The following GALNT13 variants were observed in gnomAD, a reference collection of about 807,000 sequenced individuals.
GALNT13 encodes the protein UDP-GalNAc:polypeptide N-acetylgalactosaminyltransferase 13.
In GALNT13, 28 loss-of-function variants were observed where a neutral mutation model predicts 64.2. The observed-to-expected ratio is 0.44, with a 90% confidence interval of 0.32 to 0.60. GALNT13 has a LOEUF of 0.60. GALNT13 is among the 20% of genes least tolerant of loss of function. The pLI is 0.05. For synonymous variants in GALNT13, 214 were observed against 224.6 expected (o/e 0.95, Z 0.42); for missense variants, 577 against 669.8 (o/e 0.86, Z 1.53).
chr2:153,685,127 C>A, the GALNT13 span, among the ~76,000 whole-genome samples: 3 of 151,674 alleles, frequency 2.0e-5, no homozygotes, highest in African/African-American at 7.3e-5. Context: ...TATGTGTGCA[C>A]GCCTCTTTAT....
chr2:153,317,546 T>G, the GALNT13 span, among the ~76,000 whole-genome samples: 2 of 152,142 alleles, frequency 1.3e-5, no homozygotes, highest in Non-Finnish European at 2.9e-5. Context: ...CAATATTCTA[T>G]GAGAAATTAA....
chr2:154,135,842 A>C (rs1398016599), intron 3 of GALNT13, among the ~76,000 whole-genome samples: 1 of 152,150 alleles, frequency 6.6e-6, no homozygotes, highest in Non-Finnish European at 1.5e-5. Flanking sequence ...TAAAACAATG[A>C]AAAAAGCAAT....
chr2:154,152,856 C>G (rs1414239632), intron 4 of GALNT13, among the ~76,000 whole-genome samples: 1 of 152,152 alleles, frequency 6.6e-6, no homozygotes, highest in Non-Finnish European at 1.5e-5. Flanking sequence ...AAGTTTTCAA[C>G]TTCTTTGCCT....
chr2:153,274,329 A>G, the GALNT13 span, among the ~76,000 whole-genome samples: 52,886 of 152,124 alleles, frequency 0.35, 9,435 homozygotes, highest in Middle Eastern at 0.51. Context: ...TGGTTGTGGT[A>G]GTGAAAATCT....
At chr2:153,283,773 G>A in the GALNT13 span, among the ~76,000 whole-genome samples, 1 of 152,186 alleles carries the variant, frequency 6.6e-6, no homozygotes, top group African/African-American at 2.4e-5. Flanking sequence ...GCTGATCAGG[G>A]AAAGTGGGTG....
chr2:154,309,386 G>T (rs1574064595), intron 9 of GALNT13, among the ~76,000 whole-genome samples: 2 of 152,176 alleles, frequency 1.3e-5, no homozygotes, highest in Admixed American at 1.3e-4. Flanking sequence ...AGTCTGTTTT[G>T]TGTTGCTATA....
chr2:154,082,213 A>G (rs995204412), intron 3 of GALNT13, among the ~76,000 whole-genome samples: 6 of 151,704 alleles, frequency 4.0e-5, no homozygotes, highest in African/African-American at 1.2e-4. Flanking sequence ...AACTGAAGTA[A>G]TATATCTTAC....
intron 3 of GALNT13, among the ~76,000 whole-genome samples, chr2:154,017,910 T>C (rs905156167): frequency 1.3e-5 from 2 of 152,224 alleles, no homozygotes; most frequent in African/African-American, 4.8e-5. Context: ...GTCCTATTTA[T>C]ATTTTCAGTT....
At chr2:153,631,455 C>T in the GALNT13 span, among the ~76,000 whole-genome samples, 4 of 152,208 alleles carry the variant, frequency 2.6e-5, no homozygotes, top group Admixed American at 6.5e-5. Context: ...TATTTCTCCA[C>T]ATCCTCTCCA....
At chr2:153,282,098 C>A in the GALNT13 span, among the ~76,000 whole-genome samples, 247 of 151,608 alleles carry the variant, frequency 1.6e-3, 1 homozygote, top group African/African-American at 5.4e-3. Context: ...TTTCTTCATT[C>A]TTTGAAAAAA....
intron 1 of GALNT13, among the ~76,000 whole-genome samples, chr2:153,874,158 T>G (rs1686197376): frequency 6.7e-6 from 1 of 148,926 alleles, no homozygotes; most frequent in Non-Finnish European, 1.5e-5. Flanking sequence ...ACCTTCATAT[T>G]GAAACCCTGT....
chr2:153,763,769 A>G, the GALNT13 span, among the ~76,000 whole-genome samples: 8 of 152,194 alleles, frequency 5.3e-5, no homozygotes, highest in African/African-American at 1.4e-4. Context: ...GGTAACAGGA[A>G]GAGGTTGGAA....
At chr2:154,431,203 G>A (rs1180633985) in intron 11 of GALNT13, among the ~76,000 whole-genome samples, 2 of 152,138 alleles carry the variant, frequency 1.3e-5, no homozygotes, top group African/African-American at 2.4e-5. Context: ...CAAGTAAAGG[G>A]CATTTAATTC....
the GALNT13 span, among the ~76,000 whole-genome samples, chr2:153,119,157 C>A: frequency 6.6e-6 from 1 of 152,162 alleles, no homozygotes; most frequent in South Asian, 2.1e-4. Context: ...AATTGTGAGT[C>A]AATTAAACCT....
chr2:153,348,824 G>A, the GALNT13 span, among the ~76,000 whole-genome samples: 82 of 152,240 alleles, frequency 5.4e-4, no homozygotes, highest in African/African-American at 1.6e-3. Context: ...ATTGTTGCCC[G>A]GTCCCCAGCA....
chr2:153,892,583 A>T (rs1031267202), intron 1 of GALNT13, among the ~76,000 whole-genome samples: 2 of 152,026 alleles, frequency 1.3e-5, no homozygotes, highest in African/African-American at 4.8e-5. Flanking sequence ...TATCTAAGCA[A>T]TCTTTAATTT....
the GALNT13 span, among the ~76,000 whole-genome samples, chr2:153,257,866 G>C: frequency 6.6e-6 from 1 of 152,292 alleles, no homozygotes; most frequent in Non-Finnish European, 1.5e-5. Flanking sequence ...GACTGGAATG[G>C]TGTGCTTTCT....
At chr2:154,221,369 A>G (rs183641401) in intron 4 of GALNT13, among the ~76,000 whole-genome samples, 331 of 152,210 alleles carry the variant, frequency 2.2e-3, no homozygotes, top group Non-Finnish European at 3.1e-3. Flanking sequence ...GCCAGCATCT[A>G]TTATTATTAG....
At chr2:153,280,113 G>A in the GALNT13 span, among the ~76,000 whole-genome samples, 2 of 152,062 alleles carry the variant, frequency 1.3e-5, no homozygotes, top group Non-Finnish European at 1.5e-5. Flanking sequence ...TGTGTTTCTA[G>A]GAATGTATCC....
Sources: allele counts gnomAD v4.1 joint callset (sites outside exome capture counted in the v4.1 genomes callset), GRCh38; gene constraint gnomAD v4.1.1; transcripts MANE v1.5; gene names NCBI Gene and HGNC (gene_info 2026-07-23, HGNC 2026-07-21).